Variants in IL20RA observed in about 807,000 individuals in gnomAD.
IL20RA encodes interleukin-20 receptor subunit alpha.
A neutral mutation model predicts 36.5 loss-of-function variants in IL20RA; 29 were observed. That is an observed-to-expected ratio of 0.79 (90% CI 0.59 to 1.08). The LOEUF (loss-of-function observed/expected upper bound fraction) is 1.08. Ranked by LOEUF, IL20RA falls within the 50% of genes least tolerant of loss-of-function variation. The probability of loss-of-function intolerance (pLI) is 0.00; values close to 1 mark genes in which losing one functional copy is unlikely to be tolerated. For missense variants in IL20RA, 652 were observed against 668.4 expected, an observed-to-expected ratio of 0.98 and a Z score of 0.27; for synonymous variants, 279 against 267.1, an observed-to-expected ratio of 1.04 and a Z score of -0.43.
At chr6:137,038,478 T>C (rs1776569334) in intron 1 of IL20RA, among the ~76,000 whole-genome samples, 1 of 152,148 alleles carries the variant, frequency 6.6e-6, no homozygotes, top group East Asian at 1.9e-4. Context: ...ATTACAGGCA[T>C]GACCCATTGC....
At chr6:137,025,087 T>C (rs1238872345) in intron 1 of IL20RA, among the ~76,000 whole-genome samples, 2 of 152,248 alleles carry the variant, frequency 1.3e-5, no homozygotes, top group African/African-American at 2.4e-5. Flanking sequence ...GTAAGCCACA[T>C]AGAGATTTGT....
chr6:137,001,900 G>A lies in IL20RA; in HGVS notation c.1320C>T (p.Val440=), dbSNP rs778203019. 1 of 1,613,922 alleles carries A rather than the reference G, an allele frequency of 6.2e-7. No homozygotes were observed. Among genetic ancestry groups the A allele is most frequent in the South Asian group, 1.1e-5 (1 of 91,060 alleles). The change falls in exon 7 of 7, where the codon GTC becomes GTT. Residue 440 remains valine, a synonymous_variant. Transcript: ENST00000316649. ...TLLESQAALA[V]LGPQTLQYSY... ...AGTACTGTAACGTTTGCGGGCCCAA[G>A]ACTGCCAACGCTGCCTGCGACTCCA... is the stretch of plus-strand genomic sequence containing the variant.
chr6:137,018,381 T>C (rs1325137045), intron 1 of IL20RA, among the ~76,000 whole-genome samples: 2 of 152,236 alleles, frequency 1.3e-5, no homozygotes, highest in Admixed American at 6.5e-5. Context: ...AGTGTAAAGA[T>C]GGCTGAGTGT....
At chr6:137,037,107 C>T (rs1328525852) in intron 1 of IL20RA, among the ~76,000 whole-genome samples, 5 of 151,332 alleles carry the variant, frequency 3.3e-5, no homozygotes, top group South Asian at 2.1e-4. Context: ...CGAGAAGAAG[C>T]GGGGTGAAAA....
At chr6:137,010,220 C>A (rs190259883) in intron 3 of IL20RA, among the ~76,000 whole-genome samples, 1 of 152,264 alleles carries the variant, frequency 6.6e-6, no homozygotes, top group African/African-American at 2.4e-5. Context: ...CGACTTTTAT[C>A]CTAAAGGTCT....
intron 1 of IL20RA, among the ~76,000 whole-genome samples, chr6:137,034,667 G>T (rs1776414006): frequency 4.6e-5 from 7 of 152,240 alleles, no homozygotes; most frequent in South Asian, 4.1e-4. Flanking sequence ...TGGGCCAGGT[G>T]CGGTGGCTCA....
At chr6:137,026,016 G>C (rs1055091393) in intron 1 of IL20RA, among the ~76,000 whole-genome samples, 5 of 152,178 alleles carry the variant, frequency 3.3e-5, no homozygotes, top group African/African-American at 1.2e-4. Context: ...TCATTAATCA[G>C]TACAGAAAGC....
In IL20RA at chr6:137,004,751, G is replaced by T; in HGVS notation, c.734C>A (p.Ser245Ter). 1 of 1,557,020 alleles carries T rather than the reference G, an allele frequency of 6.4e-7. No homozygotes were observed. The highest frequency in any genetic ancestry group is 8.6e-7 in the Non-Finnish European group (1 of 1,161,712). The part of the protein sequence containing the change: ...QCARTLKDQS[S>*]EFKAKIIFWY... ...GAAGATGATTTTAGCCTTGAACTCT[G>T]ATGATTGATCTGTAAAAAAAAAAAA... Residue 245 changes from serine to a stop codon, truncating the protein, a stop_gained, in exon 6 of 7, where the codon TCA becomes TAA. Transcript: ENST00000316649. LOFTEE classifies it high-confidence loss of function.
Position 137,001,742 on chromosome 6 carries a change from G to A in IL20RA, c.1478C>T (p.Ser493Leu), listed in dbSNP as rs774469920. 1.9e-6 allele frequency: 3 copies of A among 1,613,462 alleles called. No homozygotes were observed. Among genetic ancestry groups the A allele is most frequent in the South Asian group, 1.1e-5 (1 of 90,996 alleles). The change falls in exon 7 of 7, where the codon TCG (serine) becomes TTG (leucine). Residue 493 changes from serine (S) to leucine (L), a missense_variant. Transcript: ENST00000316649. ...DPQTGRLCIPSLSSFDQDSEG... is the reference protein window; with the variant it reads ...DPQTGRLCIPLLSSFDQDSEG... ...TGAATCCTGGTCGAAGCTGGACAGC[G>A]AAGGAATACACAGCCTGCCAGTTTG... is the stretch of plus-strand genomic sequence containing the variant.
chr6:137,041,974 C>T lies in IL20RA; in HGVS notation c.88+2667G>A, dbSNP rs536371171. Among the ~76,000 whole-genome samples the T allele has an allele frequency of 9.9e-5, 15 of 152,264 alleles. No individual in the cohort carries two copies. The South Asian group carries it at 2.7e-3, about 27-fold the overall frequency. ...GCTATCCCTCCCCTAGCCCCCACCC[C>T]CCGACAGGCTCTGGTGTGTGATGTT... On this transcript the variant is annotated intron_variant, in intron 1 of 6. Coordinates refer to ENST00000316649, the MANE Select transcript of IL20RA (RefSeq NM_014432.4).
chr6:137,034,134 C>G (rs1472327796), intron 1 of IL20RA, among the ~76,000 whole-genome samples: 2 of 152,180 alleles, frequency 1.3e-5, no homozygotes, highest in Middle Eastern at 3.2e-3. Flanking sequence ...TGCCGATGAT[C>G]TTGAGGTCAG....
At chr6:137,044,594 G>C (rs1308505661) in intron 1 of IL20RA, 47 bp downstream of exon 1, 10 of 1,217,744 alleles carry the variant, frequency 8.2e-6, no homozygotes, top group Non-Finnish European at 8.2e-6. Context: ...GCGGGGCCCC[G>C]GCCTGGAGGC....
intron 2 of IL20RA, 60 bp from the exon 3 acceptor site, chr6:137,011,512 CTCAG>C (rs2115378127): frequency 1.7e-6 from 2 of 1,147,690 alleles, no homozygotes; most frequent in African/African-American, 3.1e-5. Context: ...AATAAAAAAA[CTCAG>C]TCATTTTATA....
intron 1 of IL20RA, among the ~76,000 whole-genome samples, chr6:137,038,566 A>G (rs1381377596): frequency 6.6e-6 from 1 of 152,148 alleles, no homozygotes; most frequent in South Asian, 2.1e-4. Context: ...CATGTTTCTC[A>G]TATCAAATTT....
At chr6:137,031,198 G>A (rs1019568880) in intron 1 of IL20RA, among the ~76,000 whole-genome samples, 7 of 152,106 alleles carry the variant, frequency 4.6e-5, no homozygotes, top group African/African-American at 1.2e-4. Context: ...CATCCAATTC[G>A]CTCACCTATG....
Position 137,001,669 on chromosome 6 carries a change from A to T in IL20RA, c.1551T>A (p.Leu517=). 6.2e-7 allele frequency: 1 copy of T among 1,614,104 alleles called. No homozygotes were observed. Among genetic ancestry groups the T allele is most frequent in the Non-Finnish European group, 8.5e-7 (1 of 1,179,994 alleles). ...CCGGCTCCTCATAGAGTCTAGATAG[A>T]AGACCCTCCTCTCCGAGCCCATCCC... ...SEGDGLGEEG[L]LSRLYEEPAP... Residue 517 remains leucine (L), a synonymous_variant, in exon 7 of 7, where the codon CTT becomes CTA. Coordinates refer to ENST00000316649, the MANE Select transcript of IL20RA (RefSeq NM_014432.4).
chr6:137,008,578 C>G, intron 5 of IL20RA, 21 bp downstream of exon 5: 1 of 1,574,946 alleles, frequency 6.3e-7, no homozygotes, highest in South Asian at 1.2e-5. Flanking sequence ...CCTAGACCAG[C>G]AAAGATTTTT....
At chr6:137,031,830 A>G (rs1754452628) in intron 1 of IL20RA, among the ~76,000 whole-genome samples, 1 of 152,120 alleles carries the variant, frequency 6.6e-6, no homozygotes, top group African/African-American at 2.4e-5. Context: ...CGAGGTTGGC[A>G]GATCACTTAA....
chr6:137,031,036 C>T (rs568503891), intron 1 of IL20RA, among the ~76,000 whole-genome samples: 29 of 152,214 alleles, frequency 1.9e-4, no homozygotes, highest in African/African-American at 6.3e-4. Context: ...TGTTCCTTAC[C>T]GTTAACAATA....
Sources: allele counts gnomAD v4.1 joint callset (sites outside exome capture counted in the v4.1 genomes callset), GRCh38; gene constraint gnomAD v4.1.1; transcripts MANE v1.5; gene names NCBI Gene and HGNC (gene_info 2026-07-23, HGNC 2026-07-21).